Variants in CNOT7 observed in about 807,000 individuals in gnomAD.
CNOT7 encodes the protein BTG1-binding factor 1.
Under a neutral mutation model 37.1 loss-of-function variants are expected in CNOT7, and 4 were observed. The observed-to-expected ratio is 0.11, with a 90% CI of 0.05 to 0.25. The LOEUF (loss-of-function observed/expected upper bound fraction) is 0.25. Among genes scored for constraint, CNOT7 ranks in the 10% least tolerant of loss-of-function variants. The probability of loss-of-function intolerance (pLI) is 1.00; values close to 1 mark genes in which losing one functional copy is unlikely to be tolerated. For synonymous variants in CNOT7, 128 were observed against 115.6 expected, an observed-to-expected ratio of 1.11 and a Z score of -0.69; for missense variants, 170 against 336.2, an observed-to-expected ratio of 0.51 and a Z score of 3.87.
In CNOT7 at chr8:17,243,696, G is replaced by A. The variant is rs768125997; in HGVS notation, c.118-511C>T. 5 of 455,082 alleles carry A rather than the reference G, an allele frequency of 1.1e-5. 1 individual carries two copies. Among genetic ancestry groups the A allele is most frequent in the South Asian group, 7.7e-5 (5 of 64,526 alleles). The allele number at this position is 455,082 out of a possible 1,614,324, so 28.2% of individuals were successfully genotyped here. On this transcript the variant is annotated intron_variant, in intron 2 of 6. Transcript: ENST00000361272. ...TCTCTCTATAGTCCACAGAAAGCAT[G>A]CTGTCAAGAATTGCATGCCACCTAC... is the stretch of plus-strand genomic sequence containing the variant.
chr8:17,239,469 AT>A (rs1440713353), intron 3 of CNOT7, among the ~76,000 whole-genome samples: 3 of 152,096 alleles, frequency 2.0e-5, no homozygotes, highest in Non-Finnish European at 4.4e-5. Context: ...AATTTCTACT[AT>A]CCTATTGAAT....
At chr8:17,239,702 C>T (rs1160228030) in intron 3 of CNOT7, among the ~76,000 whole-genome samples, 48 of 152,058 alleles carry the variant, frequency 3.2e-4, no homozygotes, top group Admixed American at 2.9e-3. Flanking sequence ...ACCGTGTTAG[C>T]CAGGATGTTC....
chr8:17,238,570 A>G (rs550399018), intron 3 of CNOT7, among the ~76,000 whole-genome samples: 1 of 152,062 alleles, frequency 6.6e-6, no homozygotes, highest in East Asian at 1.9e-4. Flanking sequence ...ATGTACCTCA[A>G]AAAATTAGAA....
chr8:17,230,960 T>C, intron 6 of CNOT7, 112 bp from the exon 7 acceptor site: 1 of 735,196 alleles, frequency 1.4e-6, no homozygotes, highest in Admixed American at 2.9e-5. Context: ...TAATGATGGC[T>C]CTTTTCTATG....
At chr8:17,243,935 T>G (rs1002167331) in intron 2 of CNOT7, among the ~76,000 whole-genome samples, 7 of 152,232 alleles carry the variant, frequency 4.6e-5, no homozygotes, top group African/African-American at 1.7e-4. Flanking sequence ...TTGTTTATTT[T>G]TATTAAAAAT....
intron 6 of CNOT7, chr8:17,231,960 C>G: frequency 1.0e-6 from 1 of 987,562 alleles, no homozygotes; most frequent in Non-Finnish European, 1.2e-6. Flanking sequence ...CTTCAAAGCA[C>G]TGAAGAATGA....
chr8:17,242,908 T>C (rs193198747), intron 3 of CNOT7, 84 bp downstream of exon 3: 3 of 851,284 alleles, frequency 3.5e-6, no homozygotes, highest in Non-Finnish European at 5.3e-6. Flanking sequence ...TCACCTAGCA[T>C]GTCACCATAC....
chr8:17,245,806 GA>G (rs1233879750), intron 1 of CNOT7: 2 of 152,186 alleles, frequency 1.3e-5, no homozygotes, highest in Non-Finnish European at 2.9e-5. Context: ...TTGCAGAACG[GA>G]AAAAGAACAC....
At chr8:17,245,423 A>T (rs556293969) in intron 1 of CNOT7, among the ~76,000 whole-genome samples, 176 bp from the exon 2 acceptor site, 12 of 152,258 alleles carry the variant, frequency 7.9e-5, no homozygotes, top group African/African-American at 2.9e-4. Flanking sequence ...GAAAAAAAGG[A>T]CTACAGTACA....
rs112919402 is a variant in CNOT7, at chr8:17,244,868, T to C, written c.117+168A>G. On this transcript the variant is annotated intron_variant, in intron 2 of 6. Transcript: ENST00000361272. ...TGAGGGATAAACCCAACCTGTCAAA[T>C]CACAGGTGTATTCCTGATGGATTTT... 619 of 589,448 alleles carry C rather than the reference T, an allele frequency of 1.1e-3. 3 individuals are homozygous for C. Among genetic ancestry groups the C allele is most frequent in the African/African-American group, 9.8e-3 (521 of 53,140 alleles). The allele number at this position is 589,448 out of a possible 1,614,324, so 36.5% of individuals were successfully genotyped here.
Position 17,232,519 on chromosome 8 carries a change from C to A in CNOT7, c.637G>T (p.Ala213Ser), listed in dbSNP as rs1214946785. 6.2e-7 allele frequency: 1 copy of A among 1,613,936 alleles called. No individual in the cohort carries two copies. Among genetic ancestry groups the A allele is most frequent in the Non-Finnish European group, 8.5e-7 (1 of 1,179,942 alleles). Residue 213 changes from alanine to serine, a missense_variant, in exon 6 of 7, where the codon GCA (alanine) becomes TCA (serine). This residue lies in a region of CNOT7 where 68 missense variants were observed against 151.1 expected (regional missense o/e 0.45). Transcript: ENST00000361272. The part of the protein sequence containing the change: ...KNLKGGLQEV[A>S]EQLELERIGP... ...ATCCGTTCCAGCTCTAACTGTTCTG[C>A]CACCTCCTGTAATCCACCCTAGAAA...
chr8:17,238,085 A>G lies in CNOT7; in HGVS notation c.312-712T>C, dbSNP rs115342701. On this transcript the variant is annotated intron_variant, in intron 3 of 6. Transcript: ENST00000361272. ...TTAAGCCAAAAAGAAAGCCATCTCC[A>G]ACCTCAAATATATTTCCAACCACAA... 3.3e-3 allele frequency among the ~76,000 whole-genome samples: 498 copies of G among 152,386 alleles called. 1 individual carries two copies. The highest frequency in any genetic ancestry group is 0.012 in the African/African-American group (479 of 41,594).
chr8:17,237,764 T>C (rs908620534), intron 3 of CNOT7, among the ~76,000 whole-genome samples: 1 of 152,262 alleles, frequency 6.6e-6, no homozygotes, highest in Non-Finnish European at 1.5e-5. Flanking sequence ...TGCTCCCAGA[T>C]GGAGCTGCAG....
chr8:17,241,599 T>A (rs967087303), intron 3 of CNOT7: 1 of 152,206 alleles, frequency 6.6e-6, no homozygotes, highest in Non-Finnish European at 1.5e-5. Flanking sequence ...TTCACTATTT[T>A]ACCTACCAGA....
Position 17,245,004 on chromosome 8 carries a change from G to A in CNOT7, c.117+32C>T, listed in dbSNP as rs753527852. On this transcript the variant is annotated intron_variant, in intron 2 of 6. Coordinates refer to ENST00000361272, the MANE Select transcript of CNOT7 (RefSeq NM_013354.7). ...AAAATTTCCTTTTCCTCCTTTATAT[G>A]AAGCGTTTTAAAGATCTGCTTGTGG... 3.3e-6 allele frequency: 5 copies of A among 1,512,554 alleles called. No homozygotes were observed. In the Admixed American group the frequency reaches 7.1e-5, roughly 22 times the overall value. 93.7% of individuals were successfully genotyped at this position (1,512,554 alleles called of 1,614,324 possible).
intron 6 of CNOT7, 30 bp from the exon 7 acceptor site, chr8:17,230,878 G>A (rs1332531747): frequency 8.1e-6 from 12 of 1,479,404 alleles, no homozygotes; most frequent in South Asian, 1.2e-5. Context: ...AAAAAAAAAA[G>A]ATAATTTTAA....
Position 17,232,164 on chromosome 8 carries a change from G to A in CNOT7, c.729+263C>T, listed in dbSNP as rs991771237. ...TGTTTTCTCACCTGAGAAATAATAT[G>A]GTTGGACCTACATGACTTCTCAGGT... On this transcript the variant is annotated intron_variant, in intron 6 of 6. Coordinates refer to ENST00000361272, the MANE Select transcript of CNOT7 (RefSeq NM_013354.7). 4.2e-6 allele frequency: 5 copies of A among 1,177,416 alleles called. No individual in the cohort carries two copies. The African/African-American group carries it at 8.0e-5, about 19-fold the overall frequency. 72.9% of individuals were successfully genotyped at this position (1,177,416 alleles called of 1,614,324 possible). A position where few individuals can be genotyped will look rare whatever the true frequency, so the allele number is the denominator to read the frequency against.
intron 3 of CNOT7, among the ~76,000 whole-genome samples, chr8:17,238,847 G>A (rs1809749668): frequency 6.6e-6 from 1 of 152,130 alleles, no homozygotes; most frequent in Non-Finnish European, 1.5e-5. Flanking sequence ...ATCTACGTAT[G>A]TGAAGATCTT....
rs78696525 is a variant in CNOT7 at position 17,231,643 on chromosome 8, A to G, written c.729+784T>C. 3.9e-5 allele frequency: 38 copies of G among 985,402 alleles called. No homozygotes were observed. The East Asian group carries it at 4.2e-3, about 109-fold the overall frequency. The allele number at this position is 985,402 out of a possible 1,614,324, so 61.0% of individuals were successfully genotyped here. A position where few individuals can be genotyped will look rare whatever the true frequency, so the allele number is the denominator to read the frequency against. On this transcript the variant is annotated intron_variant, in intron 6 of 6. Coordinates refer to ENST00000361272, the MANE Select transcript of CNOT7 (RefSeq NM_013354.7). ...ACAGCGAATTTTTCCAAAAGGGAAAACTTATAGTCAAGAAAAACCTCACTT... is the reference window on the plus strand; with the variant it reads ...ACAGCGAATTTTTCCAAAAGGGAAAGCTTATAGTCAAGAAAAACCTCACTT...
Sources: gnomAD v4.1 joint callset for allele counts (sites outside exome capture counted in the v4.1 genomes callset) on GRCh38, gnomAD v4.1.1 for gene constraint, gnomAD v4.1.1 regional missense constraint, MANE v1.5 for transcripts, NCBI Gene and HGNC (gene_info 2026-07-23, HGNC 2026-07-21) for gene names.